The following DOK6 variants were observed in gnomAD, a reference collection of about 807,000 sequenced individuals.
DOK6 encodes docking protein 6, also known as downstream of tyrosine kinase 6.
In DOK6, 22 loss-of-function variants were observed where a neutral mutation model predicts 44.0. The observed-to-expected ratio is 0.50, with a 90% CI of 0.36 to 0.71. The LOEUF (loss-of-function observed/expected upper bound fraction) is 0.71, where lower values mean the gene tolerates loss of function less well. Among genes scored for constraint, DOK6 ranks in the 30% least tolerant of loss-of-function variants. The pLI, the probability that DOK6 is intolerant of heterozygous loss-of-function variation, is 0.00. For synonymous variants in DOK6, 166 were observed against 145.5 expected (o/e 1.14, Z -1.01); for missense variants, 340 against 416.4 (o/e 0.82, Z 1.60).
intron 2 of DOK6, among the ~76,000 whole-genome samples, chr18:69,589,752 G>A (rs1983583281): frequency 6.6e-6 from 1 of 152,018 alleles, no homozygotes; most frequent in Non-Finnish European, 1.5e-5. Flanking sequence ...ATAGCATGAT[G>A]TTTTTAAAAT....
intron 3 of DOK6, among the ~76,000 whole-genome samples, chr18:69,631,982 G>T (rs544343156): frequency 6.6e-6 from 1 of 152,012 alleles, no homozygotes; most frequent in Non-Finnish European, 1.5e-5. Flanking sequence ...TGCCTTAAGC[G>T]TTCAAATATT....
chr18:69,841,050 T>C (rs1982201206), intron 7 of DOK6, among the ~76,000 whole-genome samples, 194 bp from the exon 8 acceptor site: 1 of 152,204 alleles, frequency 6.6e-6, no homozygotes, highest in Non-Finnish European at 1.5e-5. Flanking sequence ...TTTTAATTCA[T>C]CAAGGATCAA....
At chr18:69,626,356 A>G (rs1984557222) in intron 3 of DOK6, among the ~76,000 whole-genome samples, 1 of 152,298 alleles carries the variant, frequency 6.6e-6, no homozygotes, top group East Asian at 1.9e-4. Flanking sequence ...CGGTCCATTC[A>G]CATTTGCTCC....
chr18:69,677,345 C>CTA (rs948016361), intron 3 of DOK6, among the ~76,000 whole-genome samples: 5 of 138,846 alleles, frequency 3.6e-5, no homozygotes, highest in Admixed American at 2.3e-4. Context: ...ATATATGTGT[C>CTA]TATATATATA....
At chr18:69,502,126 C>T (rs1320850639) in intron 1 of DOK6, among the ~76,000 whole-genome samples, 2 of 152,102 alleles carry the variant, frequency 1.3e-5, no homozygotes, top group East Asian at 3.9e-4. Flanking sequence ...ATTGTGGTTG[C>T]AATACCATTG....
At chr18:69,701,810 G>A (rs772777715) in intron 5 of DOK6, among the ~76,000 whole-genome samples, 1 of 152,128 alleles carries the variant, frequency 6.6e-6, no homozygotes, top group Non-Finnish European at 1.5e-5. Context: ...ATTATGAAAA[G>A]GTGGTTAGTG....
intron 4 of DOK6, among the ~76,000 whole-genome samples, chr18:69,688,636 C>G (rs1300373560): frequency 6.6e-6 from 1 of 152,132 alleles, no homozygotes; most frequent in Non-Finnish European, 1.5e-5. Flanking sequence ...GATTCTCTTG[C>G]CTCAGTCTCC....
intron 1 of DOK6, among the ~76,000 whole-genome samples, chr18:69,435,796 T>C (rs1978958162): frequency 6.6e-6 from 1 of 152,162 alleles, no homozygotes; most frequent in African/African-American, 2.4e-5. Flanking sequence ...TACATAAATA[T>C]ATATTTCAGT....
chr18:69,638,592 A>C (rs1984865938), intron 3 of DOK6, among the ~76,000 whole-genome samples: 1 of 152,172 alleles, frequency 6.6e-6, no homozygotes, highest in African/African-American at 2.4e-5. Context: ...AAAGAAACTG[A>C]ATATTTGGCT....
intron 5 of DOK6, chr18:69,721,220 C>A (rs1004188009): frequency 6.6e-6 from 1 of 152,332 alleles, no homozygotes; most frequent in East Asian, 1.9e-4. Flanking sequence ...TCTGAAAGTT[C>A]TTTTCTCCTA....
chr18:69,414,385 G>A (rs540033384), intron 1 of DOK6, among the ~76,000 whole-genome samples: 43 of 152,068 alleles, frequency 2.8e-4, no homozygotes, highest in African/African-American at 8.2e-4. Flanking sequence ...ACCAAATTAC[G>A]CAATACTACA....
At chr18:69,515,432 C>T (rs910430297) in intron 1 of DOK6, among the ~76,000 whole-genome samples, 15 of 152,144 alleles carry the variant, frequency 9.9e-5, no homozygotes, top group East Asian at 1.9e-4. Context: ...GTTGCTTCGT[C>T]GGTCATCTGT....
At chr18:69,564,342 CT>C in intron 1 of DOK6, 144 bp from the exon 2 acceptor site, 1 of 653,546 alleles carries the variant, frequency 1.5e-6, no homozygotes, top group Non-Finnish European at 2.5e-6. Flanking sequence ...TTTAAAAATA[CT>C]GTAATCTTAA....
chr18:69,527,793 T>A (rs745965045), intron 1 of DOK6, among the ~76,000 whole-genome samples: 3 of 152,190 alleles, frequency 2.0e-5, no homozygotes, highest in Non-Finnish European at 2.9e-5. Context: ...TTTTGATTGC[T>A]TTTTATAGCT....
chr18:69,712,064 G>A (rs142836336), intron 5 of DOK6, among the ~76,000 whole-genome samples: 2,089 of 150,336 alleles, frequency 0.014, 40 homozygotes, highest in South Asian at 0.04. Flanking sequence ...GGCGGATCAC[G>A]AGGTCAGGAG....
intron 1 of DOK6, among the ~76,000 whole-genome samples, chr18:69,473,585 T>C (rs1980177185): frequency 6.6e-6 from 1 of 152,198 alleles, no homozygotes; most frequent in Non-Finnish European, 1.5e-5. Flanking sequence ...CCCAGCACTG[T>C]CAGTCTATGC....
chr18:69,716,071 A>G (rs1234770446), intron 5 of DOK6, among the ~76,000 whole-genome samples: 2 of 152,244 alleles, frequency 1.3e-5, no homozygotes, highest in African/African-American at 4.8e-5. Context: ...TCATTTTAGC[A>G]GCTGCGTCCC....
At chr18:69,491,632 G>A (rs910040391) in intron 1 of DOK6, among the ~76,000 whole-genome samples, 17 of 152,234 alleles carry the variant, frequency 1.1e-4, no homozygotes, top group African/African-American at 2.9e-4. Flanking sequence ...TTAGCAGTGC[G>A]TTTCCTAAGG....
chr18:69,692,963 C>T (rs1986301199), intron 4 of DOK6, among the ~76,000 whole-genome samples: 1 of 152,088 alleles, frequency 6.6e-6, no homozygotes, highest in Non-Finnish European at 1.5e-5. Flanking sequence ...TTCAATTTTA[C>T]ACAAGGAATT....
Sources: allele counts gnomAD v4.1 joint callset (sites outside exome capture counted in the v4.1 genomes callset), GRCh38; gene constraint gnomAD v4.1.1; transcripts MANE v1.5; gene names NCBI Gene and HGNC (gene_info 2026-07-23, HGNC 2026-07-21).